AK8: variants seen among roughly 807,000 people sequenced by gnomAD.
AK8 encodes adenylate kinase 8.
AK8 carries 44 observed loss-of-function variants against 54.6 expected under a neutral mutation model. The observed-to-expected ratio is 0.81, with a 90% CI of 0.63 to 1.04. The LOEUF (loss-of-function observed/expected upper bound fraction) is 1.04. AK8 is among the 50% of genes least tolerant of loss of function. AK8 has a pLI of 0.00. For synonymous variants in AK8, 239 were observed against 245.6 expected (o/e 0.97, Z 0.25); for missense variants, 555 against 613.6 (o/e 0.90, Z 1.01).
intron 9 of AK8, among the ~76,000 whole-genome samples, chr9:132,816,967 T>C (rs1033392756): frequency 6.6e-6 from 1 of 152,138 alleles, no homozygotes; most frequent in Non-Finnish European, 1.5e-5. Context: ...CACTGAGCCT[T>C]TGGCCAATAT....
intron 4 of AK8, chr9:132,861,505 G>C (rs891684852): frequency 1.3e-5 from 2 of 152,228 alleles, no homozygotes; most frequent in Admixed American, 1.3e-4. Context: ...GGGGTAAGGA[G>C]AAGAAACTCA....
intron 10 of AK8, among the ~76,000 whole-genome samples, chr9:132,801,550 A>G (rs1163132677): frequency 6.6e-6 from 1 of 152,182 alleles, no homozygotes; most frequent in Non-Finnish European, 1.5e-5. Flanking sequence ...TTTTCCTTCC[A>G]TTTTAATGAA....
In AK8 at chr9:132,837,660, T is replaced by C. The variant is rs896322935; in HGVS notation, c.403-8934A>G. Among the ~76,000 whole-genome samples the C allele has an allele frequency of 6.6e-6, 1 of 152,182 alleles. No homozygotes were observed. Among genetic ancestry groups the C allele is most frequent in the Non-Finnish European group, 1.5e-5 (1 of 68,040 alleles). On this transcript the variant is annotated intron_variant, in intron 5 of 12. Coordinates refer to ENST00000298545, the MANE Select transcript of AK8 (RefSeq NM_152572.3). The surrounding 1 kb of genome is among the most constrained non-coding windows in gnomAD (Gnocchi z 4.3). ...CCACAGAGCATATCGGAACACGCGT[T>C]CCTGTCCACATGGAGTGCTACGGCT...
At chr9:132,833,686 A>C (rs1470044814) in intron 5 of AK8, among the ~76,000 whole-genome samples, 1 of 152,170 alleles carries the variant, frequency 6.6e-6, no homozygotes, top group African/African-American at 2.4e-5. Flanking sequence ...GTATGGTATC[A>C]CAGGAGGGAC....
intron 11 of AK8, among the ~76,000 whole-genome samples, chr9:132,727,831 C>T (rs369820224): frequency 2.0e-4 from 31 of 152,112 alleles, no homozygotes; most frequent in African/African-American, 7.5e-4. Flanking sequence ...CCCTGTAGAC[C>T]GAGCTTGGCA....
intron 7 of AK8, 169 bp downstream of exon 7, chr9:132,827,844 T>C: frequency 4.8e-6 from 3 of 627,964 alleles, no homozygotes; most frequent in East Asian, 2.8e-5. Context: ...TCTACCAGAA[T>C]GTACCCTTGC....
chr9:132,823,090 T>C, intron 9 of AK8, 115 bp downstream of exon 9: 1 of 1,372,938 alleles, frequency 7.3e-7, no homozygotes. Context: ...GAAAGAGAAG[T>C]GATACTGACC....
At chr9:132,755,738 C>T (rs919018367) in intron 11 of AK8, among the ~76,000 whole-genome samples, 2 of 151,950 alleles carry the variant, frequency 1.3e-5, no homozygotes, top group Non-Finnish European at 2.9e-5. Context: ...GCAGAGTTGC[C>T]TCAGGCCAAT....
intron 2 of AK8, among the ~76,000 whole-genome samples, chr9:132,870,547 C>T (rs2131435420): frequency 6.6e-6 from 1 of 152,360 alleles, no homozygotes; most frequent in East Asian, 1.9e-4. Context: ...TACACCATCG[C>T]CTGCTTTAAT....
At chr9:132,745,114 G>A (rs991049816) in intron 11 of AK8, among the ~76,000 whole-genome samples, 1 of 152,158 alleles carries the variant, frequency 6.6e-6, no homozygotes, top group Non-Finnish European at 1.5e-5. Flanking sequence ...CCGTTCATCC[G>A]ATCTCCCCTT....
intron 10 of AK8, among the ~76,000 whole-genome samples, chr9:132,810,318 T>C (rs1297908338): frequency 1.3e-5 from 2 of 151,632 alleles, no homozygotes; most frequent in Non-Finnish European, 2.9e-5. Context: ...CGGGTCTCGC[T>C]AACTTTATAG....
intron 11 of AK8, among the ~76,000 whole-genome samples, chr9:132,740,104 A>G (rs1366792134): frequency 6.6e-6 from 1 of 152,244 alleles, no homozygotes; most frequent in Non-Finnish European, 1.5e-5. Context: ...AGACCTCAGC[A>G]GCTGGTGCAG....
intron 10 of AK8, among the ~76,000 whole-genome samples, chr9:132,800,032 T>C (rs537995410): frequency 1.2e-4 from 18 of 152,306 alleles, no homozygotes; most frequent in African/African-American, 4.3e-4. Context: ...TAATTTCCAT[T>C]TCACACAACC....
intron 11 of AK8, among the ~76,000 whole-genome samples, chr9:132,745,343 G>GC (rs760229547): frequency 1.2e-4 from 18 of 152,288 alleles, no homozygotes; most frequent in Non-Finnish European, 1.8e-4. Flanking sequence ...CTCGGATTAC[G>GC]CGGCTAATTG....
intron 5 of AK8, among the ~76,000 whole-genome samples, chr9:132,834,533 C>T (rs1177979774): frequency 6.6e-6 from 1 of 152,196 alleles, no homozygotes; most frequent in Non-Finnish European, 1.5e-5. Context: ...CGTTAGTATT[C>T]CACATTCCAC....
At chr9:132,833,929 C>A (rs953476470) in intron 5 of AK8, among the ~76,000 whole-genome samples, 1 of 152,230 alleles carries the variant, frequency 6.6e-6, no homozygotes, top group South Asian at 2.1e-4. Flanking sequence ...GTTGCCTTTC[C>A]GCTCCTCCCC....
chr9:132,802,407 G>T (rs1840503234), intron 10 of AK8, among the ~76,000 whole-genome samples: 1 of 152,202 alleles, frequency 6.6e-6, no homozygotes, highest in South Asian at 2.1e-4. Flanking sequence ...AGACAGAAGT[G>T]TATCCTGGGG....
intron 10 of AK8, among the ~76,000 whole-genome samples, chr9:132,809,427 A>T (rs1427692897): frequency 1.3e-5 from 2 of 152,050 alleles, no homozygotes; most frequent in Non-Finnish European, 2.9e-5. Context: ...GAGTCACTCC[A>T]CGACAGGCCA....
At chr9:132,756,631 C>T (rs925892258) in intron 11 of AK8, among the ~76,000 whole-genome samples, 1 of 152,146 alleles carries the variant, frequency 6.6e-6, no homozygotes, top group African/African-American at 2.4e-5. Context: ...CGGGAAATGC[C>T]GGCATCTCAC....
Sources: gnomAD v4.1 joint callset for allele counts (sites outside exome capture counted in the v4.1 genomes callset) on GRCh38, gnomAD v4.1.1 for gene constraint, Gnocchi (gnomAD v3.1) non-coding constraint, MANE v1.5 for transcripts, NCBI Gene and HGNC (gene_info 2026-07-23, HGNC 2026-07-21) for gene names.